Variants in ZFHX3 observed in about 807,000 individuals in gnomAD.
ZFHX3 encodes zinc finger homeobox protein 3.
ZFHX3 carries 42 observed loss-of-function variants against 279.1 expected under a neutral mutation model. The ratio of observed to expected loss-of-function variants is 0.15; its 90% CI spans 0.12 to 0.19. ZFHX3 has a LOEUF of 0.19. Among genes scored for constraint, ZFHX3 ranks in the 10% least tolerant of loss-of-function variants. ZFHX3 has a pLI of 1.00. For synonymous variants in ZFHX3, 2,293 were observed against 1,957.8 expected (o/e 1.17, Z -4.52); for missense variants, 4,981 against 4,754.0 (o/e 1.05, Z -1.40).
intron 1 of ZFHX3, among the ~76,000 whole-genome samples, chr16:72,963,818 C>G (rs912175088): frequency 3.3e-5 from 5 of 152,158 alleles, no homozygotes; most frequent in Admixed American, 1.3e-4. Flanking sequence ...GGGGAGGGGG[C>G]TCCTGCTGTT....
intron 2 of ZFHX3, among the ~76,000 whole-genome samples, chr16:73,628,787 C>G (rs555367803): frequency 2.6e-4 from 39 of 152,254 alleles, no homozygotes; most frequent in Non-Finnish European, 3.1e-4. Context: ...GCGTTTAGAA[C>G]CAGACCTTTT....
chr16:73,526,947 A>T (rs2019705927), intron 2 of ZFHX3, among the ~76,000 whole-genome samples: 1 of 151,882 alleles, frequency 6.6e-6, no homozygotes, highest in African/African-American at 2.4e-5. Context: ...GACACAAAAG[A>T]ATAAACTCCT....
At chr16:73,301,794 A>T (rs1455123483) in intron 4 of ZFHX3, among the ~76,000 whole-genome samples, 1 of 146,358 alleles carries the variant, frequency 6.8e-6, no homozygotes, top group East Asian at 2.1e-4. Flanking sequence ...CTCATTTAAG[A>T]TTCTCTTAAC....
At chr16:73,070,599 G>A (rs1025912656) in intron 8 of ZFHX3, among the ~76,000 whole-genome samples, 7 of 152,170 alleles carry the variant, frequency 4.6e-5, no homozygotes, top group African/African-American at 1.7e-4. Context: ...GGTGAAGCGG[G>A]ATTCGTCTCC....
chr16:72,914,617 A>G (rs2039396159), intron 3 of ZFHX3, among the ~76,000 whole-genome samples: 1 of 152,144 alleles, frequency 6.6e-6, no homozygotes, highest in Non-Finnish European at 1.5e-5. Context: ...AAAAAGAAAC[A>G]AGGAAGCTCT....
At chr16:72,811,373 AAC>A (rs1249346842) in intron 7 of ZFHX3, among the ~76,000 whole-genome samples, 1 of 152,184 alleles carries the variant, frequency 6.6e-6, no homozygotes, top group Admixed American at 6.5e-5. Flanking sequence ...GAGGTTGAGA[AAC>A]ACATGTTCAG....
chr16:73,493,831 G>GT (rs2019092814), intron 2 of ZFHX3, among the ~76,000 whole-genome samples: 1 of 148,592 alleles, frequency 6.7e-6, no homozygotes, highest in Admixed American at 6.6e-5. Context: ...TTGGATCTGA[G>GT]TTCCCCATCT....
chr16:73,799,371 T>A (rs772967368), intron 1 of ZFHX3, among the ~76,000 whole-genome samples: 15 of 152,202 alleles, frequency 9.9e-5, no homozygotes, highest in Non-Finnish European at 2.1e-4. Flanking sequence ...AGGCCCATAT[T>A]ACGACAGTGG....
intron 5 of ZFHX3, among the ~76,000 whole-genome samples, chr16:73,230,392 A>G (rs1255153879): frequency 1.3e-5 from 2 of 152,212 alleles, no homozygotes; most frequent in East Asian, 3.8e-4. Flanking sequence ...AAAATTAGTC[A>G]GTCTCGAAGA....
At position 72,959,716 on chromosome 16, in the gene ZFHX3, C is replaced by A. The variant is rs996738718; in HGVS notation, c.430G>T (p.Val144Leu). The change falls in exon 2 of 10, where the codon GTG becomes TTG. Residue 144 changes from valine to leucine, a missense_variant. Physicochemically the swap from Val to Leu is conservative, Grantham distance 32. Coordinates refer to ENST00000268489, the MANE Select transcript of ZFHX3 (RefSeq NM_006885.4). Reference protein sequence around the residue: ...VYQPDGSAYIVESLSQLTQGG... With the variant: ...VYQPDGSAYILESLSQLTQGG... The stretch of plus-strand genomic sequence containing the variant: ...TGGGTCAGCTGGCTCAGGCTCTCCA[C>A]AATGTACGCGGAGCCGTCCGGCTGG... 5.0e-6 allele frequency: 8 copies of A among 1,613,794 alleles called. No homozygotes were observed. The highest frequency in any genetic ancestry group is 5.9e-6 in the Non-Finnish European group (7 of 1,179,988).
rs1403958751 is a variant in ZFHX3, at chr16:72,797,117, C to A, written c.5565G>T (p.Gln1855His). 1 of 1,613,542 alleles carries A rather than the reference C, an allele frequency of 6.2e-7. No homozygotes were observed. Among genetic ancestry groups the A allele is most frequent in the Admixed American group, 1.7e-5 (1 of 60,010 alleles). ...GACTCTGGGCTATAGAGAGTTGGTTCTGCTGCTGCTGCGGCAAGATCTGCT... is the reference window on the plus strand; with the variant it reads ...GACTCTGGGCTATAGAGAGTTGGTTATGCTGCTGCTGCGGCAAGATCTGCT... ...SHQQILPQQQ[Q>H]NQLSIAQSHS... The change falls in exon 9 of 10, where the codon CAG becomes CAT. Residue 1855 changes from glutamine (Q) to histidine (H), a missense_variant. Coordinates refer to ENST00000268489, the MANE Select transcript of ZFHX3 (RefSeq NM_006885.4).
intron 5 of ZFHX3, among the ~76,000 whole-genome samples, chr16:73,185,687 T>A (rs1215529442): frequency 6.6e-6 from 1 of 152,138 alleles, no homozygotes; most frequent in Non-Finnish European, 1.5e-5. Flanking sequence ...TAAAAATAGC[T>A]GAATGCAGGA....
At position 72,904,481 on chromosome 16, in the gene ZFHX3, T is replaced by A. The variant is rs140586025; in HGVS notation, c.3217-14519A>T. 2.6e-4 allele frequency among the ~76,000 whole-genome samples: 40 copies of A among 152,262 alleles called. 1 individual carries two copies. The highest frequency in any genetic ancestry group is 9.4e-4 in the African/African-American group (39 of 41,540). ...AATCCTTCTAAAGCTCCACTATTCC[T>A]CCTGGGTCTTCAGCTTGCCTTTCAA... On this transcript the variant is annotated intron_variant, in intron 3 of 9. Coordinates refer to ENST00000268489, the MANE Select transcript of ZFHX3 (RefSeq NM_006885.4).
At chr16:73,816,519 T>G (rs1407748786) in intron 1 of ZFHX3, among the ~76,000 whole-genome samples, 2 of 152,194 alleles carry the variant, frequency 1.3e-5, no homozygotes, top group Non-Finnish European at 2.9e-5. Flanking sequence ...AAATAAGCAG[T>G]TATGACAAGA....
In ZFHX3 at chr16:72,798,196, C is replaced by T; in HGVS notation, c.4486G>A (p.Glu1496Lys). 1 of 1,614,216 alleles carries T rather than the reference C, an allele frequency of 6.2e-7. No homozygotes were observed. The highest frequency in any genetic ancestry group is 8.5e-7 in the Non-Finnish European group (1 of 1,180,048). Residue 1496 changes from glutamate to lysine, a missense_variant, in exon 9 of 10, where the codon GAG (glutamate) becomes AAG (lysine). This residue lies in a region of ZFHX3 where 1,751 missense variants were observed against 1,770.0 expected (regional missense o/e 0.99). Transcript: ENST00000268489. ...TIIVEEDKEE[E>K]SDLEDKQSPT... Reference sequence around the variant, plus strand: ...CTCTGTTTATCTTCCAAGTCACTCTCTTCCTCCTTGTCTTCCTCAACAATT... The same window carrying T: ...CTCTGTTTATCTTCCAAGTCACTCTTTTCCTCCTTGTCTTCCTCAACAATT...
chr16:72,859,648 C>T (rs2037834634), intron 4 of ZFHX3, among the ~76,000 whole-genome samples: 1 of 152,198 alleles, frequency 6.6e-6, no homozygotes, highest in South Asian at 2.1e-4. Context: ...GGCTAAAACT[C>T]ATTGGCCCCA....
chr16:73,414,153 T>C (rs953079276), intron 3 of ZFHX3, among the ~76,000 whole-genome samples: 2 of 152,270 alleles, frequency 1.3e-5, no homozygotes, highest in African/African-American at 4.8e-5. Context: ...CAAAGTAGTA[T>C]ATAAACTTAA....
At chr16:73,597,322 A>T (rs894315159) in intron 2 of ZFHX3, among the ~76,000 whole-genome samples, 4 of 152,124 alleles carry the variant, frequency 2.6e-5, no homozygotes, top group African/African-American at 9.7e-5. Flanking sequence ...TATGGGCCTC[A>T]TCACTCTGTA....
At chr16:72,973,199 TC>T (rs1962184772) in intron 1 of ZFHX3, among the ~76,000 whole-genome samples, 1 of 152,154 alleles carries the variant, frequency 6.6e-6, no homozygotes, top group Non-Finnish European at 1.5e-5. Flanking sequence ...CACTGCCCCC[TC>T]ACTGTCGGCC....
Sources: gnomAD v4.1 joint callset for allele counts (sites outside exome capture counted in the v4.1 genomes callset) on GRCh38, gnomAD v4.1.1 for gene constraint, gnomAD v4.1.1 regional missense constraint, MANE v1.5 for transcripts, NCBI Gene and HGNC (gene_info 2026-07-23, HGNC 2026-07-21) for gene names.